The following LIN7A variants were observed in gnomAD, a reference collection of about 807,000 sequenced individuals.
The protein encoded by LIN7A is lin-7 cell polarity scaffold A, also known as protein lin-7 homolog A.
LIN7A carries 25 observed loss-of-function variants against 29.8 expected under a neutral mutation model. The ratio of observed to expected loss-of-function variants is 0.84; its 90% CI spans 0.61 to 1.17. The LOEUF is 1.17. LIN7A is among the 50% of genes most tolerant of loss of function. The pLI is 0.00. For synonymous variants in LIN7A, 118 were observed against 107.5 expected (o/e 1.10, Z -0.60); for missense variants, 239 against 287.0 (o/e 0.83, Z 1.21).
intron 2 of LIN7A, among the ~76,000 whole-genome samples, chr12:80,867,069 C>T (rs1025043247): frequency 2.0e-5 from 3 of 152,158 alleles, no homozygotes; most frequent in South Asian, 2.1e-4. Context: ...CCTCTTGCCT[C>T]GCCCCCCAAG....
chr12:80,916,434 T>C (rs1244446594), intron 1 of LIN7A, among the ~76,000 whole-genome samples: 2 of 152,176 alleles, frequency 1.3e-5, no homozygotes, highest in Admixed American at 1.3e-4. Flanking sequence ...CTGAGCTCAT[T>C]GCTGTTTGTC....
At chr12:80,902,111 G>A (rs1250066997) in intron 1 of LIN7A, among the ~76,000 whole-genome samples, 1 of 152,012 alleles carries the variant, frequency 6.6e-6, no homozygotes, top group African/African-American at 2.4e-5. Flanking sequence ...ATTGAAGAGA[G>A]TGTCTTTCCC....
intron 1 of LIN7A, among the ~76,000 whole-genome samples, chr12:80,931,243 G>T (rs1023905967): frequency 6.6e-6 from 1 of 152,092 alleles, no homozygotes; most frequent in Admixed American, 6.5e-5. Flanking sequence ...TTCAGGGCTC[G>T]GATGAATGAC....
chr12:80,844,211 G>A (rs1028317398), intron 4 of LIN7A, among the ~76,000 whole-genome samples: 9 of 152,024 alleles, frequency 5.9e-5, no homozygotes, highest in South Asian at 2.1e-4. Context: ...CTTGAAACAT[G>A]CTTTGAAAAA....
Position 80,811,469 on chromosome 12 carries a change from G to T in LIN7A, c.698C>A (p.Ser233Ter). ...QQQQTQQNHM[S>*] ...ATAGAATAAGTCACTTCTCACCTAT[G>T]ACATGTGGTTTTGTTGTGTTTGTTG... Residue 233 changes from serine (S) to a stop codon, truncating the protein, a stop_gained, in exon 5 of 6, where the codon TCA becomes TAA. Coordinates refer to ENST00000552864, the MANE Select transcript of LIN7A (RefSeq NM_004664.4). LOFTEE classifies it high-confidence loss of function. 1 of 1,275,938 alleles carries T rather than the reference G, an allele frequency of 7.8e-7. No homozygotes were observed. Among genetic ancestry groups the T allele is most frequent in the Non-Finnish European group, 1.1e-6 (1 of 898,170 alleles). 79.0% of individuals were successfully genotyped at this position (1,275,938 alleles called of 1,614,324 possible). A position where few individuals can be genotyped will look rare whatever the true frequency, so the allele number is the denominator to read the frequency against.
intron 4 of LIN7A, among the ~76,000 whole-genome samples, chr12:80,837,950 C>G (rs1456264421): frequency 6.6e-6 from 1 of 151,888 alleles, no homozygotes; most frequent in Non-Finnish European, 1.5e-5. Context: ...GTAGCTGGCA[C>G]ATAATAATTT....
chr12:80,838,851 G>C (rs1278133708), intron 4 of LIN7A, among the ~76,000 whole-genome samples: 2 of 152,150 alleles, frequency 1.3e-5, no homozygotes. Flanking sequence ...TCCCCTCTAA[G>C]GGCCAAGTGG....
chr12:80,825,739 A>ATTT (rs60715514), intron 4 of LIN7A, among the ~76,000 whole-genome samples: 66 of 149,568 alleles, frequency 4.4e-4, no homozygotes, highest in African/African-American at 1.5e-3. Context: ...ATCAGAATAG[A>ATTT]TTTTTTTTTT....
chr12:80,805,791 A>C (rs1175360437), intron 5 of LIN7A, among the ~76,000 whole-genome samples: 1 of 151,904 alleles, frequency 6.6e-6, no homozygotes, highest in Non-Finnish European at 1.5e-5. Context: ...GAGGTAATTG[A>C]ATCATGGTGG....
At chr12:80,832,712 T>G (rs1459664754) in intron 4 of LIN7A, 4 of 430,794 alleles carry the variant, frequency 9.3e-6, no homozygotes, top group African/African-American at 2.1e-5. Flanking sequence ...TGCTATGATT[T>G]GGTAGAAGTC....
chr12:80,815,770 T>C (rs1871500434), intron 4 of LIN7A, among the ~76,000 whole-genome samples: 1 of 152,206 alleles, frequency 6.6e-6, no homozygotes, highest in Non-Finnish European at 1.5e-5. Context: ...TTTATCCCCT[T>C]GCTTTAAGAG....
intron 1 of LIN7A, among the ~76,000 whole-genome samples, chr12:80,914,378 G>T (rs532870526): frequency 6.6e-6 from 1 of 152,174 alleles, no homozygotes; most frequent in African/African-American, 2.4e-5. Flanking sequence ...TGAAACTTTT[G>T]TTCAAGGACC....
At chr12:80,851,355 C>CTTT (rs199557424) in intron 2 of LIN7A, among the ~76,000 whole-genome samples, 2 of 139,604 alleles carry the variant, frequency 1.4e-5, no homozygotes, top group African/African-American at 5.2e-5. Context: ...AATTGCTAGT[C>CTTT]TTTTTTTTTT....
At chr12:80,870,727 A>G (rs1367253128) in intron 2 of LIN7A, among the ~76,000 whole-genome samples, 1 of 152,218 alleles carries the variant, frequency 6.6e-6, no homozygotes, top group Admixed American at 6.5e-5. Context: ...CTGTTGAGCC[A>G]AGACTATCGC....
intron 1 of LIN7A, among the ~76,000 whole-genome samples, chr12:80,913,810 A>C (rs934554581): frequency 3.9e-5 from 6 of 151,904 alleles, no homozygotes; most frequent in African/African-American, 1.5e-4. Flanking sequence ...ATTCTGCATT[A>C]TTTTCTGAAA....
At position 80,937,285 on chromosome 12, in the gene LIN7A, C is replaced by T. The variant is rs555163284; in HGVS notation, c.82+356G>A. The T allele has an allele frequency of 3.0e-5, 7 of 233,236 alleles. No homozygotes were observed. In the South Asian group the frequency reaches 1.2e-3, roughly 41 times the overall value. The allele number at this position is 233,236 out of a possible 1,614,324, so 14.4% of individuals were successfully genotyped here. A position where few individuals can be genotyped will look rare whatever the true frequency, so the allele number is the denominator to read the frequency against. Reference sequence around the variant, plus strand: ...TCTGGCCGGGCGAGCTTGCTCTCTGCCCCTCTCCAACCCCGAGCCCCTGGC... The same window carrying T: ...TCTGGCCGGGCGAGCTTGCTCTCTGTCCCTCTCCAACCCCGAGCCCCTGGC... On this transcript the variant is annotated intron_variant, in intron 1 of 5. Coordinates refer to ENST00000552864, the MANE Select transcript of LIN7A (RefSeq NM_004664.4).
chr12:80,912,713 CAAAAAA>C (rs5799498), intron 1 of LIN7A, among the ~76,000 whole-genome samples: 83,263 of 135,344 alleles, frequency 0.62, 27,207 homozygotes, highest in Middle Eastern at 0.78. Context: ...AGACTTGTCT[CAAAAAA>C]AAAAAAAAAA....
rs1181633132 is a variant in LIN7A, at chr12:80,793,306, T to C, written c.*4421A>G. 1 of 152,240 alleles carries C rather than the reference T, an allele frequency of 6.6e-6. No individual in the cohort carries two copies. Among genetic ancestry groups the C allele is most frequent in the Non-Finnish European group, 1.5e-5 (1 of 68,040 alleles). 9.4% of individuals were successfully genotyped at this position (152,240 alleles called of 1,614,324 possible). ...AAAATAGAGCTGCATAAATGTTAGT[T>C]ATGAATAAATTACTTACCTACCTCA... On this transcript the variant is annotated 3_prime_UTR_variant, in exon 6 of 6. Transcript: ENST00000552864.
At chr12:80,861,825 G>A (rs1873898609) in intron 2 of LIN7A, among the ~76,000 whole-genome samples, 1 of 152,220 alleles carries the variant, frequency 6.6e-6, no homozygotes, top group Admixed American at 6.5e-5. Flanking sequence ...ATGACTTAAA[G>A]ATGACTAGTT....
Sources: gnomAD v4.1 joint callset for allele counts (sites outside exome capture counted in the v4.1 genomes callset) on GRCh38, gnomAD v4.1.1 for gene constraint, MANE v1.5 for transcripts, NCBI Gene and HGNC (gene_info 2026-07-23, HGNC 2026-07-21) for gene names.